Variants in KIF21A observed in about 807,000 individuals in gnomAD.
KIF21A encodes the protein kinesin family member 21A, also known as kinesin-like protein KIF21A.
Under a neutral mutation model 202.9 loss-of-function variants are expected in KIF21A, and 114 were observed. The observed-to-expected ratio is 0.56, with a 90% CI of 0.48 to 0.66. The LOEUF is 0.66. KIF21A is among the 30% of genes least tolerant of loss of function. KIF21A has a pLI of 0.00. For synonymous variants in KIF21A, 667 were observed against 670.8 expected, an observed-to-expected ratio of 0.99 and a Z score of 0.09; for missense variants, 1,677 against 1,994.9, an observed-to-expected ratio of 0.84 and a Z score of 3.04.
intron 16 of KIF21A, among the ~76,000 whole-genome samples, chr12:39,338,814 G>A (rs892455806): frequency 1.3e-5 from 2 of 152,126 alleles, no homozygotes; most frequent in Non-Finnish European, 2.9e-5. Flanking sequence ...AAACTTAATT[G>A]TTAAAAGAAA....
chr12:39,312,162 A>T (rs1944093366), intron 31 of KIF21A: 1 of 153,208 alleles, frequency 6.5e-6, no homozygotes, highest in Admixed American at 6.5e-5. Flanking sequence ...GAAAATGTAC[A>T]TACACACAAT....
Position 39,331,432 on chromosome 12 carries a change from T to C in KIF21A, c.3153+258A>G, listed in dbSNP as rs139991570. 1.9e-3 allele frequency among the ~76,000 whole-genome samples: 285 copies of C among 152,310 alleles called. 2 individuals carry two copies. Among genetic ancestry groups the C allele is most frequent in the Non-Finnish European group, 1.6e-3 (112 of 68,022 alleles). ...AAATTTCTTCTAATTTTTCCTTTGT[T>C]AAAGCAAAAGGGGAATTATTTCTTC... On this transcript the variant is annotated intron_variant, in intron 22 of 37. Transcript: ENST00000361418.
intron 1 of KIF21A, among the ~76,000 whole-genome samples, chr12:39,392,137 C>A (rs1951410143): frequency 6.6e-6 from 1 of 152,150 alleles, no homozygotes. Context: ...AAGGAAAAAT[C>A]AGCAGGACCT....
At chr12:39,309,279 G>C (rs1943775984) in intron 33 of KIF21A, among the ~76,000 whole-genome samples, 1 of 152,082 alleles carries the variant, frequency 6.6e-6, no homozygotes, top group Non-Finnish European at 1.5e-5. Context: ...ACTCTATCAA[G>C]TAAGAAATAG....
intron 1 of KIF21A, among the ~76,000 whole-genome samples, chr12:39,441,674 A>AAAAAAAAAAAAAAAAAAAAAAAAAAAAT (rs1429943496): frequency 1.4e-5 from 2 of 148,144 alleles, no homozygotes; most frequent in Non-Finnish European, 1.5e-5. Flanking sequence ...AAAAAAAAAA[A>AAAAAAAAAAAAAAAAAAAAAAAAAAAAT]AAAAAACACT....
intron 1 of KIF21A, among the ~76,000 whole-genome samples, chr12:39,392,926 T>TAATAA (rs1312069117): frequency 6.9e-6 from 1 of 144,666 alleles, no homozygotes; most frequent in East Asian, 2.0e-4. Flanking sequence ...AATAAAAAGG[T>TAATAA]AATAAAATAA....
Position 39,322,719 on chromosome 12 carries a change from C to G in KIF21A, c.3620G>C (p.Arg1207Thr). The G allele has an allele frequency of 6.2e-7, 1 of 1,614,044 alleles. No homozygotes were observed. Among genetic ancestry groups the G allele is most frequent in the Non-Finnish European group, 8.5e-7 (1 of 1,180,000 alleles). The stretch of plus-strand genomic sequence containing the variant: ...AGGTGGGGGAGAGAGCTCTTTTTCC[C>G]TAGCAGAAGTACCACTTGTCTCTGT... The part of the protein sequence containing the change: ...MNTETSGTSA[R>T]EKELSPPPGL... Residue 1207 changes from arginine (R) to threonine (T), a missense_variant, in exon 27 of 38, where the codon AGG becomes ACG. By Grantham distance (71) the Arg-to-Thr change is moderately conservative. Transcript: ENST00000361418.
chr12:39,352,721 T>C (rs1027766929), intron 10 of KIF21A, among the ~76,000 whole-genome samples: 40 of 152,140 alleles, frequency 2.6e-4, no homozygotes, highest in African/African-American at 7.2e-4. Flanking sequence ...CTCCTGAATA[T>C]AGCGTGGGAA....
intron 1 of KIF21A, among the ~76,000 whole-genome samples, chr12:39,387,834 T>A (rs1053734551): frequency 6.6e-6 from 1 of 152,176 alleles, no homozygotes; most frequent in African/African-American, 2.4e-5. Flanking sequence ...AGATGCTCCA[T>A]GGATGAAAAA....
intron 1 of KIF21A, among the ~76,000 whole-genome samples, chr12:39,418,319 G>GT (rs1372677120): frequency 6.6e-6 from 1 of 152,090 alleles, no homozygotes; most frequent in Non-Finnish European, 1.5e-5. Flanking sequence ...TGCCCAGTTA[G>GT]TAATTCGGTA....
chr12:39,308,372 A>G (rs1423653164), intron 33 of KIF21A, among the ~76,000 whole-genome samples: 3 of 151,612 alleles, frequency 2.0e-5, no homozygotes, highest in African/African-American at 7.3e-5. Flanking sequence ...TGGAAGACAG[A>G]GCAAGACTCC....
chr12:39,416,336 C>T (rs1321927509), intron 1 of KIF21A, among the ~76,000 whole-genome samples: 1 of 151,988 alleles, frequency 6.6e-6, no homozygotes, highest in Non-Finnish European at 1.5e-5. Context: ...TGGTTCATGC[C>T]TGTAATCCCA....
At chr12:39,362,803 T>C (rs1335943135) in intron 7 of KIF21A, among the ~76,000 whole-genome samples, 1 of 152,180 alleles carries the variant, frequency 6.6e-6, no homozygotes, top group African/African-American at 2.4e-5. Context: ...AAAGTCCACA[T>C]ACTATTGACT....
chr12:39,319,952 T>G lies in KIF21A; in HGVS notation c.3733A>C (p.Lys1245Gln), dbSNP rs569992788. The change falls in exon 28 of 38, where the codon AAG becomes CAG. Residue 1245 changes from lysine to glutamine, a missense_variant. Lys to Gln is a moderately conservative substitution (Grantham distance 53). Around this residue, in one of 3 missense-constraint regions of KIF21A, gnomAD observed 705 missense variants for 791.9 expected, o/e 0.89. Coordinates refer to ENST00000361418, the MANE Select transcript of KIF21A (RefSeq NM_001173464.2). ...GATTTTTCTGCTTTCTCATATGCCT[T>G]TCTCCTTGTTACAGGAGAAGGCTCT... is the stretch of plus-strand genomic sequence containing the variant. The part of the protein sequence containing the change: ...IPEPSPVTRR[K>Q]AYEKAEKSKA... The G allele has an allele frequency of 4.0e-5, 64 of 1,609,750 alleles. No homozygotes were observed. The South Asian group carries it at 7.0e-4, about 18-fold the overall frequency.
intron 29 of KIF21A, among the ~76,000 whole-genome samples, chr12:39,317,701 T>C (rs1325078802): frequency 6.6e-6 from 1 of 152,178 alleles, no homozygotes; most frequent in African/African-American, 2.4e-5. Context: ...AATTTGCCTC[T>C]TTCCAACTCA....
intron 27 of KIF21A, among the ~76,000 whole-genome samples, chr12:39,321,025 C>T (rs1397944596): frequency 2.0e-5 from 3 of 149,510 alleles, no homozygotes; most frequent in African/African-American, 4.9e-5. Flanking sequence ...TGCATGATTC[C>T]TATTTAAAAG....
At chr12:39,387,453 A>G (rs1338537842) in intron 1 of KIF21A, among the ~76,000 whole-genome samples, 3 of 152,174 alleles carry the variant, frequency 2.0e-5, no homozygotes, top group African/African-American at 7.2e-5. Flanking sequence ...GCTTGCCAGG[A>G]GGCTAACAAA....
intron 10 of KIF21A, 29 bp downstream of exon 10, chr12:39,356,803 C>T: frequency 1.1e-6 from 1 of 944,424 alleles, no homozygotes; most frequent in Non-Finnish European, 1.7e-6. Context: ...CAAACATGTG[C>T]ATTATATGTT....
At chr12:39,351,632 C>T in intron 11 of KIF21A, 145 bp downstream of exon 11, 1 of 586,716 alleles carries the variant, frequency 1.7e-6, no homozygotes, top group Non-Finnish European at 3.0e-6. Flanking sequence ...CCATTAAAAA[C>T]TAGATAGTTG....
Sources: allele counts gnomAD v4.1 joint callset (sites outside exome capture counted in the v4.1 genomes callset), GRCh38; gene constraint gnomAD v4.1.1; regional missense constraint gnomAD v4.1.1; transcripts MANE v1.5; gene names NCBI Gene and HGNC (gene_info 2026-07-23, HGNC 2026-07-21).